Variants in CSMD1 observed in about 807,000 individuals in gnomAD.
CSMD1 encodes the protein CUB and sushi domain-containing protein 1.
In CSMD1, 213 loss-of-function variants were observed where a neutral mutation model predicts 417.5. The ratio of observed to expected loss-of-function variants is 0.51; its 90% CI spans 0.46 to 0.57. CSMD1 has a LOEUF of 0.57. Ranked by LOEUF, CSMD1 falls within the 20% of genes least tolerant of loss-of-function variation. CSMD1 has a pLI of 0.00. For synonymous variants in CSMD1, 2,862 were observed against 1,736.8 expected, an observed-to-expected ratio of 1.65 and a Z score of -16.11; for missense variants, 6,923 against 4,529.7, an observed-to-expected ratio of 1.53 and a Z score of -15.17.
chr8:3,661,936 T>C (rs1798439663), intron 7 of CSMD1, among the ~76,000 whole-genome samples: 1 of 151,758 alleles, frequency 6.6e-6, no homozygotes, highest in South Asian at 2.1e-4. Flanking sequence ...AGGAGTAAGA[T>C]TGAGGGAAGA....
At chr8:4,141,561 C>T (rs1035252228) in intron 3 of CSMD1, among the ~76,000 whole-genome samples, 2 of 151,142 alleles carry the variant, frequency 1.3e-5, no homozygotes, top group Non-Finnish European at 1.5e-5. Flanking sequence ...GAAGCTCTTA[C>T]AAACCTGTAC....
At chr8:3,913,599 G>T (rs555081536) in intron 5 of CSMD1, among the ~76,000 whole-genome samples, 1 of 152,198 alleles carries the variant, frequency 6.6e-6, no homozygotes, top group African/African-American at 2.4e-5. Flanking sequence ...TTTGCCCACA[G>T]ATCTGGCAAG....
At chr8:4,219,998 G>A (rs1356641482) in intron 3 of CSMD1, among the ~76,000 whole-genome samples, 3 of 152,076 alleles carry the variant, frequency 2.0e-5, no homozygotes, top group Non-Finnish European at 4.4e-5. Context: ...CACCCAGGCT[G>A]GAGTGCAGTG....
chr8:4,247,144 A>G (rs1294810714), intron 3 of CSMD1, among the ~76,000 whole-genome samples: 2 of 152,164 alleles, frequency 1.3e-5, no homozygotes, highest in Non-Finnish European at 2.9e-5. Flanking sequence ...CGTCCTCAAT[A>G]TTGCTTTCTT....
At chr8:3,402,776 G>C (rs1006376758) in intron 15 of CSMD1, among the ~76,000 whole-genome samples, 2 of 151,968 alleles carry the variant, frequency 1.3e-5, no homozygotes, top group East Asian at 1.9e-4. Context: ...ACTCACTCTT[G>C]CTTTAAATTG....
chr8:3,749,760 TGA>T (rs1230422124), intron 6 of CSMD1, among the ~76,000 whole-genome samples: 2 of 152,122 alleles, frequency 1.3e-5, no homozygotes, highest in African/African-American at 4.8e-5. Context: ...ATATTGTATG[TGA>T]GAGTCACCCA....
chr8:3,916,409 A>G (rs866488444), intron 5 of CSMD1, among the ~76,000 whole-genome samples: 9 of 152,194 alleles, frequency 5.9e-5, no homozygotes, highest in African/African-American at 2.2e-4. Context: ...CTCAATTTCT[A>G]AAACTGTCTT....
intron 1 of CSMD1, among the ~76,000 whole-genome samples, chr8:4,904,003 T>C (rs1805069688): frequency 6.6e-6 from 1 of 152,210 alleles, no homozygotes; most frequent in Non-Finnish European, 1.5e-5. Context: ...CTTCATTTTG[T>C]ATTTATTTCT....
At chr8:3,710,882 G>T (rs567899015) in intron 6 of CSMD1, among the ~76,000 whole-genome samples, 1 of 152,224 alleles carries the variant, frequency 6.6e-6, no homozygotes, top group East Asian at 1.9e-4. Context: ...GTGGGCTACT[G>T]GCTGGGGAGC....
chr8:3,523,006 T>C (rs7463249), intron 10 of CSMD1, among the ~76,000 whole-genome samples: 90 of 113,390 alleles, frequency 7.9e-4, no homozygotes, highest in East Asian at 7.8e-3. Flanking sequence ...GATACATATA[T>C]ACACACACCC....
At chr8:4,597,929 C>G (rs1383329071) in intron 2 of CSMD1, among the ~76,000 whole-genome samples, 1 of 151,778 alleles carries the variant, frequency 6.6e-6, no homozygotes, top group Non-Finnish European at 1.5e-5. Flanking sequence ...TATGGCTGCT[C>G]TTATAATAAA....
rs183426386 is a variant in CSMD1 at position 3,306,125 on chromosome 8, C to G, written c.3950+1570G>C. On this transcript the variant is annotated intron_variant, in intron 25 of 69. Transcript: ENST00000635120. ...GTGTATAATATGCATTTTCCTCACTCCACTTCATCCCATTTTATTTTTGTT... is the reference window on the plus strand; with the variant it reads ...GTGTATAATATGCATTTTCCTCACTGCACTTCATCCCATTTTATTTTTGTT... Among the ~76,000 whole-genome samples the G allele has an allele frequency of 6.6e-5, 10 of 152,298 alleles. No individual in the cohort carries two copies. The East Asian group carries it at 1.4e-3, about 21-fold the overall frequency.
intron 23 of CSMD1, among the ~76,000 whole-genome samples, chr8:3,342,596 A>C (rs1807730959): frequency 6.6e-6 from 1 of 152,206 alleles, no homozygotes; most frequent in Non-Finnish European, 1.5e-5. Flanking sequence ...TACTTTTGAA[A>C]CACAGCATCT....
At chr8:4,778,272 G>T (rs779682533) in intron 1 of CSMD1, among the ~76,000 whole-genome samples, 1 of 152,002 alleles carries the variant, frequency 6.6e-6, no homozygotes, top group Non-Finnish European at 1.5e-5. Flanking sequence ...TGGCACATGG[G>T]CTGGTCATCT....
rs1443403230 is a variant in CSMD1, at chr8:3,876,977, AAC to A, written c.818+120924_818+120925del. Among the ~76,000 whole-genome samples, 3 of 152,226 alleles carry A rather than the reference AAC, an allele frequency of 2.0e-5. No individual in the cohort carries two copies. In the South Asian group the frequency reaches 6.2e-4, roughly 31 times the overall value. ...GCACAAGAAATAATTCATAAGTCAT[AAC>A]ACAGATCTCAAGCAATAACATACTT... On this transcript the variant is annotated intron_variant, in intron 5 of 69. Coordinates refer to ENST00000635120, the MANE Select transcript of CSMD1 (RefSeq NM_033225.6).
intron 5 of CSMD1, among the ~76,000 whole-genome samples, chr8:3,784,027 A>G (rs1486643863): frequency 6.6e-6 from 1 of 152,212 alleles, no homozygotes; most frequent in Non-Finnish European, 1.5e-5. Context: ...ATCATCGTAC[A>G]ACATGCCTGA....
chr8:3,987,456 C>T (rs1380538780), intron 5 of CSMD1, among the ~76,000 whole-genome samples: 3 of 152,204 alleles, frequency 2.0e-5, no homozygotes, highest in South Asian at 2.1e-4. Context: ...CTGACTTTTA[C>T]TTTCATATTC....
intron 5 of CSMD1, among the ~76,000 whole-genome samples, chr8:3,984,702 A>ATCATTCAT (rs1467134590): frequency 1.3e-5 from 1 of 74,374 alleles, no homozygotes; most frequent in Non-Finnish European, 2.7e-5. Context: ...CAGTGTATAT[A>ATCATTCAT]TCATATATAT....
At chr8:3,727,793 G>A (rs1234664529) in intron 6 of CSMD1, among the ~76,000 whole-genome samples, 3 of 152,172 alleles carry the variant, frequency 2.0e-5, no homozygotes, top group Admixed American at 2.0e-4. Flanking sequence ...TAAAAAGGAA[G>A]GAAACGCAGG....
Sources: gnomAD v4.1 joint callset for allele counts (sites outside exome capture counted in the v4.1 genomes callset) on GRCh38, gnomAD v4.1.1 for gene constraint, MANE v1.5 for transcripts, NCBI Gene and HGNC (gene_info 2026-07-23, HGNC 2026-07-21) for gene names.